The following TMEM132B variants were observed in gnomAD, a reference collection of about 807,000 sequenced individuals.
The protein encoded by TMEM132B is transmembrane protein 132B.
In TMEM132B, 18 loss-of-function variants were observed where a neutral mutation model predicts 90.8. The ratio of observed to expected loss-of-function variants is 0.20; its 90% CI spans 0.14 to 0.29. TMEM132B has a LOEUF of 0.29. Ranked by LOEUF, TMEM132B falls within the 10% of genes least tolerant of loss-of-function variation. The pLI, the probability that TMEM132B is intolerant of heterozygous loss-of-function variation, is 1.00. For synonymous variants in TMEM132B, 504 were observed against 523.3 expected (o/e 0.96, Z 0.50); for missense variants, 1,096 against 1,326.8 (o/e 0.83, Z 2.70).
chr12:125,544,668 T>C (rs1884044652), intron 4 of TMEM132B, among the ~76,000 whole-genome samples: 1 of 152,178 alleles, frequency 6.6e-6, no homozygotes. Flanking sequence ...CTCTATGCCA[T>C]TTTCTACACC....
Position 125,415,513 on chromosome 12 carries a change from T to C in TMEM132B, c.960-18T>C, listed in dbSNP as rs777504730. Reference sequence around the variant, plus strand: ...ATGGTTTTATTATATATAATATCATTGTTTTCCCACCCCACAGAATTAAGG... The same window carrying C: ...ATGGTTTTATTATATATAATATCATCGTTTTCCCACCCCACAGAATTAAGG... On this transcript the variant is annotated intron_variant, in intron 2 of 8. Transcript: ENST00000682704. The surrounding 1 kb of genome is among the most constrained non-coding windows in gnomAD (Gnocchi z 5.3). The C allele has an allele frequency of 2.0e-5, 33 of 1,613,740 alleles. No homozygotes were observed. The highest frequency in any genetic ancestry group is 2.8e-5 in the Non-Finnish European group (33 of 1,179,868).
chr12:125,646,618 G>C (rs938438853), intron 6 of TMEM132B, among the ~76,000 whole-genome samples: 1 of 152,140 alleles, frequency 6.6e-6, no homozygotes, highest in East Asian at 1.9e-4. Flanking sequence ...CACAGTGCCA[G>C]GGGAACAAAA....
chr12:125,204,205 T>G (rs1368011015), intron 1 of TMEM132B, among the ~76,000 whole-genome samples: 1 of 151,716 alleles, frequency 6.6e-6, no homozygotes, highest in Non-Finnish European at 1.5e-5. Flanking sequence ...TAGCTCTTTA[T>G]GTGGAGTATC....
chr12:125,289,386 C>A (rs1358058323), intron 1 of TMEM132B, among the ~76,000 whole-genome samples: 1 of 152,000 alleles, frequency 6.6e-6, no homozygotes, highest in African/African-American at 2.4e-5. Flanking sequence ...CAAGAACCCA[C>A]CTGCCATGAT....
intron 1 of TMEM132B, among the ~76,000 whole-genome samples, chr12:125,307,506 A>G (rs1247241733): frequency 6.6e-6 from 1 of 152,102 alleles, no homozygotes; most frequent in African/African-American, 2.4e-5. Context: ...GAATGAATGA[A>G]TGAATGCATG....
rs925817943 is a variant in TMEM132B at position 125,407,720 on chromosome 12, G to A, written c.960-7811G>A. ...CTTGTCGCTCAGAACCAAAGGGACCGCGGACACCTGGTGGAGGTCTGGGGG... is the reference window on the plus strand; with the variant it reads ...CTTGTCGCTCAGAACCAAAGGGACCACGGACACCTGGTGGAGGTCTGGGGG... On this transcript the variant is annotated intron_variant, in intron 2 of 8. Coordinates refer to ENST00000682704, the MANE Select transcript of TMEM132B (RefSeq NM_001366854.1). This position sits in a 1 kb window ranked among gnomAD's most constrained non-coding sequence, Gnocchi z 6.7. Among the ~76,000 whole-genome samples, 30 of 152,268 alleles carry A rather than the reference G, an allele frequency of 2.0e-4. No homozygotes were observed. Among genetic ancestry groups the A allele is most frequent in the Admixed American group, 1.2e-3 (18 of 15,300 alleles).
intron 1 of TMEM132B, among the ~76,000 whole-genome samples, chr12:125,269,343 A>C (rs527262909): frequency 6.6e-6 from 1 of 152,326 alleles, no homozygotes; most frequent in East Asian, 1.9e-4. Context: ...TGCAGAAAGC[A>C]GGGTGACAAA....
chr12:125,598,922 G>T (rs1279689292), intron 5 of TMEM132B, among the ~76,000 whole-genome samples: 1 of 152,154 alleles, frequency 6.6e-6, no homozygotes, highest in African/African-American at 2.4e-5. Flanking sequence ...TCTATGTCAG[G>T]ATACTTTGTG....
At chr12:125,392,067 T>G (rs1033658511) in intron 2 of TMEM132B, among the ~76,000 whole-genome samples, 1 of 152,218 alleles carries the variant, frequency 6.6e-6, no homozygotes, top group South Asian at 2.1e-4. Context: ...GTGCCCGGCC[T>G]TAGTTTTATT....
At chr12:125,537,404 C>T (rs1358230610) in intron 4 of TMEM132B, among the ~76,000 whole-genome samples, 1 of 152,190 alleles carries the variant, frequency 6.6e-6, no homozygotes, top group African/African-American at 2.4e-5. Flanking sequence ...CTCATTAAAG[C>T]CACCTGCTGG....
chr12:125,399,290 C>A (rs1381064657), intron 2 of TMEM132B, among the ~76,000 whole-genome samples: 2 of 152,164 alleles, frequency 1.3e-5, no homozygotes, highest in Non-Finnish European at 2.9e-5. Context: ...GCAGATCATC[C>A]TAAAGTTTAT....
At chr12:125,441,150 A>C (rs1027577682) in intron 3 of TMEM132B, among the ~76,000 whole-genome samples, 1 of 152,212 alleles carries the variant, frequency 6.6e-6, no homozygotes, top group Admixed American at 6.5e-5. Context: ...TGTGGGATTA[A>C]ATGATTTCAT....
In TMEM132B at chr12:125,653,747, G is replaced by T; in HGVS notation, c.2289G>T (p.Leu763Phe). 3.1e-6 allele frequency: 5 copies of T among 1,614,188 alleles called. No individual in the cohort carries two copies. In the Middle Eastern group the frequency reaches 4.9e-4, roughly 160 times the overall value. The change falls in exon 9 of 9, where the codon TTG (leucine) becomes TTT (phenylalanine). Residue 763 changes from leucine (L) to phenylalanine (F), a missense_variant. Coordinates refer to ENST00000682704, the MANE Select transcript of TMEM132B (RefSeq NM_001366854.1). Reference protein sequence around the residue: ...VVAEGEGQGPLIKLEMMISEP... With the variant: ...VVAEGEGQGPFIKLEMMISEP... ...CAGAGGGTGAAGGACAAGGGCCTTT[G>T]ATTAAGTTAGAAATGATGATAAGTG... is the stretch of plus-strand genomic sequence containing the variant.
In TMEM132B at chr12:125,221,165, C is replaced by A. The variant is rs138374540; in HGVS notation, c.67+34299C>A. Among the ~76,000 whole-genome samples the A allele has an allele frequency of 3.4e-3, 520 of 152,336 alleles. 2 individuals carry two copies. The highest frequency in any genetic ancestry group is 0.012 in the African/African-American group (496 of 41,570). ...ATGTGACATATCATTATCTGTTCATCTGTGTTTTACAGTAGGATGTCAGCT... is the reference window on the plus strand; with the variant it reads ...ATGTGACATATCATTATCTGTTCATATGTGTTTTACAGTAGGATGTCAGCT... On this transcript the variant is annotated intron_variant, in intron 1 of 8. Coordinates refer to ENST00000682704, the MANE Select transcript of TMEM132B (RefSeq NM_001366854.1).
chr12:125,652,061 T>C (rs1886936122), intron 7 of TMEM132B, among the ~76,000 whole-genome samples: 1 of 152,326 alleles, frequency 6.6e-6, no homozygotes, highest in East Asian at 1.9e-4. Context: ...ACCTAAGTAA[T>C]ACAGGATGCC....
intron 5 of TMEM132B, among the ~76,000 whole-genome samples, chr12:125,629,844 A>G (rs151164332): frequency 6.2e-4 from 94 of 152,232 alleles, no homozygotes; most frequent in Non-Finnish European, 1.2e-3. Flanking sequence ...GGTTTTTATC[A>G]TGAAGAGACG....
At chr12:125,455,903 G>A (rs1881281280) in intron 3 of TMEM132B, among the ~76,000 whole-genome samples, 1 of 152,190 alleles carries the variant, frequency 6.6e-6, no homozygotes, top group Non-Finnish European at 1.5e-5. Context: ...AAAGAGATGT[G>A]GAGTAGACCA....
intron 1 of TMEM132B, among the ~76,000 whole-genome samples, chr12:125,239,438 G>C (rs1026951913): frequency 2.0e-5 from 3 of 152,140 alleles, no homozygotes; most frequent in Admixed American, 6.5e-5. Flanking sequence ...AGGGTTTCTG[G>C]CGTCAGGAAT....
intron 2 of TMEM132B, among the ~76,000 whole-genome samples, chr12:125,362,334 C>T (rs796780553): frequency 1.4e-4 from 21 of 152,308 alleles, no homozygotes; most frequent in African/African-American, 5.1e-4. Context: ...CTTGTACTTA[C>T]ATTTTGTTTC....
Sources: allele counts gnomAD v4.1 joint callset (sites outside exome capture counted in the v4.1 genomes callset), GRCh38; gene constraint gnomAD v4.1.1; non-coding constraint Gnocchi (gnomAD v3.1); transcripts MANE v1.5; gene names NCBI Gene and HGNC (gene_info 2026-07-23, HGNC 2026-07-21).